Variants in SBF2 observed in about 807,000 individuals in gnomAD.
SBF2 encodes myotubularin-related protein 13.
A neutral mutation model predicts 225.2 loss-of-function variants in SBF2; 112 were observed. The ratio of observed to expected loss-of-function variants is 0.50; its 90% CI spans 0.43 to 0.58. The LOEUF (loss-of-function observed/expected upper bound fraction) is 0.58. Among genes scored for constraint, SBF2 ranks in the 20% least tolerant of loss-of-function variants. SBF2 has a pLI of 0.00. For missense variants in SBF2, 1,996 were observed against 2,206.2 expected (o/e 0.90, Z 1.91); for synonymous variants, 763 against 773.3 (o/e 0.99, Z 0.22).
At chr11:9,874,928 C>T (rs892141201) in intron 17 of SBF2, among the ~76,000 whole-genome samples, 1 of 152,120 alleles carries the variant, frequency 6.6e-6, no homozygotes, top group African/African-American at 2.4e-5. Flanking sequence ...AGGAGACCAA[C>T]CTATTATTGG....
intron 17 of SBF2, among the ~76,000 whole-genome samples, chr11:9,886,936 T>C (rs1343303770): frequency 6.6e-6 from 1 of 152,176 alleles, no homozygotes; most frequent in African/African-American, 2.4e-5. Context: ...TGTAAGCGTG[T>C]GTATTTAAGG....
chr11:10,156,094 CT>C lies in SBF2; in HGVS notation c.141+37807del, dbSNP rs1489151815. 8.5e-5 allele frequency among the ~76,000 whole-genome samples: 13 copies of C among 152,344 alleles called. 1 individual carries two copies. Among genetic ancestry groups the C allele is most frequent in the East Asian group, 5.8e-4 (3 of 5,184 alleles). Reference sequence around the variant, plus strand: ...CTCTCGGAAGCCCAGGAAGCCCCCCCTATCCCCACAGGCTTGGAAGTGCCTG... The same window carrying C: ...CTCTCGGAAGCCCAGGAAGCCCCCCCATCCCCACAGGCTTGGAAGTGCCTG... On this transcript the variant is annotated intron_variant, in intron 2 of 39. Transcript: ENST00000256190.
intron 17 of SBF2, among the ~76,000 whole-genome samples, chr11:9,860,505 G>C (rs1336972312): frequency 1.3e-5 from 2 of 151,730 alleles, no homozygotes. Flanking sequence ...GATGAGATGG[G>C]GTTTTTGTAG....
intron 2 of SBF2, among the ~76,000 whole-genome samples, chr11:10,135,400 A>G (rs958399897): frequency 6.6e-6 from 1 of 152,232 alleles, no homozygotes; most frequent in African/African-American, 2.4e-5. Context: ...TTACTTATGC[A>G]AATTTCTGCA....
Position 10,067,752 on chromosome 11 carries a change from A to G in SBF2, c.142-24771T>C, listed in dbSNP as rs575531875. Among the ~76,000 whole-genome samples, 17 of 152,118 alleles carry G rather than the reference A, an allele frequency of 1.1e-4. No individual in the cohort carries two copies. The South Asian group carries it at 3.1e-3, about 28-fold the overall frequency. On this transcript the variant is annotated intron_variant, in intron 2 of 39. Coordinates refer to ENST00000256190, the MANE Select transcript of SBF2 (RefSeq NM_030962.4). ...TCTATAAAAAATAACGACAACCAAA[A>G]AACAAAAACTTAGCTGTCTGTGCAT...
intron 14 of SBF2, among the ~76,000 whole-genome samples, chr11:9,966,239 C>G (rs1412174753): frequency 6.6e-6 from 1 of 152,088 alleles, no homozygotes; most frequent in Non-Finnish European, 1.5e-5. Flanking sequence ...CAGGTGCATA[C>G]CACCACGCCT....
chr11:10,071,610 C>T (rs1414262730), intron 2 of SBF2, among the ~76,000 whole-genome samples: 2 of 152,092 alleles, frequency 1.3e-5, no homozygotes, highest in African/African-American at 2.4e-5. Context: ...TTTGCCCATT[C>T]AGTATGATAT....
chr11:10,046,990 G>C (rs1301211222), intron 2 of SBF2, among the ~76,000 whole-genome samples: 1 of 151,578 alleles, frequency 6.6e-6, no homozygotes, highest in Non-Finnish European at 1.5e-5. Context: ...TCAGAAGTAA[G>C]TGGAATTTGA....
intron 1 of SBF2, among the ~76,000 whole-genome samples, chr11:10,226,768 T>G (rs1316847511): frequency 2.6e-5 from 4 of 152,188 alleles, no homozygotes; most frequent in Admixed American, 6.5e-5. Flanking sequence ...TTTGCTATTG[T>G]GAATAGTGCC....
intron 30 of SBF2, chr11:9,810,158 C>T (rs140614734): frequency 0.022 from 3,398 of 152,352 alleles, 65 homozygotes; most frequent in Middle Eastern, 0.041. Flanking sequence ...TGCCTGTAAT[C>T]CCAGCTACTC....
intron 1 of SBF2, among the ~76,000 whole-genome samples, chr11:10,236,271 G>A (rs1959068731): frequency 6.6e-6 from 1 of 152,108 alleles, no homozygotes; most frequent in Admixed American, 6.6e-5. Context: ...GGGCAACATA[G>A]TAAGATCCCA....
intron 6 of SBF2, among the ~76,000 whole-genome samples, chr11:10,023,222 T>C (rs1328177769): frequency 6.6e-6 from 1 of 152,220 alleles, no homozygotes; most frequent in Admixed American, 6.5e-5. Flanking sequence ...CTTTTTAATA[T>C]TATGAATTCA....
intron 1 of SBF2, among the ~76,000 whole-genome samples, chr11:10,300,809 CTCTT>C (rs1345498829): frequency 6.9e-6 from 1 of 144,110 alleles, no homozygotes; most frequent in Non-Finnish European, 1.5e-5. Flanking sequence ...TTCTCTCTCT[CTCTT>C]TTTTTTTTTT....
intron 4 of SBF2, among the ~76,000 whole-genome samples, chr11:10,030,261 T>G (rs1330259201): frequency 2.6e-5 from 4 of 152,186 alleles, no homozygotes; most frequent in East Asian, 1.9e-4. Context: ...GAATGCTTAT[T>G]CTACAGAAAA....
chr11:10,209,752 C>T (rs1177471262), intron 1 of SBF2, among the ~76,000 whole-genome samples: 6 of 152,064 alleles, frequency 3.9e-5, no homozygotes, highest in Non-Finnish European at 8.8e-5. Context: ...TTCAGTGTCT[C>T]CACTAGGATT....
At chr11:10,256,932 A>G (rs934813482) in intron 1 of SBF2, among the ~76,000 whole-genome samples, 1 of 152,258 alleles carries the variant, frequency 6.6e-6, no homozygotes, top group Non-Finnish European at 1.5e-5. Flanking sequence ...CAGATGAAAG[A>G]TAATTATTTA....
intron 1 of SBF2, among the ~76,000 whole-genome samples, chr11:10,245,990 G>C (rs573121797): frequency 1.8e-4 from 27 of 152,264 alleles, no homozygotes; most frequent in Admixed American, 1.7e-3. Context: ...GGAGAACTGG[G>C]GAGGTATTAG....
intron 13 of SBF2, among the ~76,000 whole-genome samples, chr11:9,969,471 AC>A (rs1413772212): frequency 6.6e-6 from 1 of 152,120 alleles, no homozygotes; most frequent in Non-Finnish European, 1.5e-5. Context: ...ACAACACCCT[AC>A]AAGATCTGGC....
intron 2 of SBF2, among the ~76,000 whole-genome samples, chr11:10,100,770 T>G (rs1395413128): frequency 1.3e-5 from 2 of 152,052 alleles, no homozygotes; most frequent in African/African-American, 4.8e-5. Context: ...CTGCATGGTG[T>G]CTGTCTTGGT....
Sources: allele counts gnomAD v4.1 joint callset (sites outside exome capture counted in the v4.1 genomes callset), GRCh38; gene constraint gnomAD v4.1.1; transcripts MANE v1.5; gene names NCBI Gene and HGNC (gene_info 2026-07-23, HGNC 2026-07-21).